The following PDCD6IP variants were observed in gnomAD, a reference collection of about 807,000 sequenced individuals.
The protein encoded by PDCD6IP is programmed cell death 6-interacting protein.
PDCD6IP carries 43 observed loss-of-function variants against 103.7 expected under a neutral mutation model. That is an observed-to-expected ratio of 0.41 (90% confidence interval 0.32 to 0.53). The LOEUF is 0.53. Ranked by LOEUF, PDCD6IP falls within the 20% of genes least tolerant of loss-of-function variation. The probability of loss-of-function intolerance (pLI) is 0.16; values close to 1 mark genes in which losing one functional copy is unlikely to be tolerated. For synonymous variants in PDCD6IP, 354 were observed against 378.7 expected, an observed-to-expected ratio of 0.93 and a Z score of 0.76; for missense variants, 871 against 1,036.7, an observed-to-expected ratio of 0.84 and a Z score of 2.20.
chr3:33,830,857 G>A (rs908832000), intron 7 of PDCD6IP, among the ~76,000 whole-genome samples: 8 of 152,152 alleles, frequency 5.3e-5, no homozygotes, highest in African/African-American at 1.9e-4. Flanking sequence ...AACCATATTC[G>A]CTGTAGTTTC....
intron 3 of PDCD6IP, among the ~76,000 whole-genome samples, chr3:33,816,273 G>A (rs528588503): frequency 2.9e-4 from 44 of 152,226 alleles, no homozygotes; most frequent in African/African-American, 1.0e-3. Flanking sequence ...TTGGGAGGCC[G>A]AGGTGGGTGG....
intron 12 of PDCD6IP, among the ~76,000 whole-genome samples, chr3:33,852,038 G>T (rs1302011068): frequency 6.6e-6 from 1 of 152,150 alleles, no homozygotes; most frequent in Non-Finnish European, 1.5e-5. Flanking sequence ...AGAATGTAGA[G>T]TGGCTAAGAG....
intron 16 of PDCD6IP, 130 bp from the exon 17 acceptor site, chr3:33,865,113 T>G (rs1358826616): frequency 3.9e-5 from 24 of 609,276 alleles, no homozygotes; most frequent in Non-Finnish European, 2.7e-6. Context: ...AAGCCGGTAT[T>G]TAAGAATGGG....
In PDCD6IP at chr3:33,813,470, TC is replaced by T. The variant is rs943706648; in HGVS notation, c.265-88del. ...ATATTTTGAGCTTTTGTCCTTTTTT[TC>T]ATGGTGGATTTTTCTTCAAAGAAGA... On this transcript the variant is annotated intron_variant, in intron 2 of 17. Coordinates refer to ENST00000307296, the MANE Select transcript of PDCD6IP (RefSeq NM_013374.6). 4.5e-5 allele frequency: 36 copies of T among 793,992 alleles called. No individual in the cohort carries two copies. The African/African-American group carries it at 6.3e-4, about 14-fold the overall frequency. 49.2% of individuals were successfully genotyped at this position (793,992 alleles called of 1,614,324 possible).
rs992764402 is a variant in PDCD6IP, at chr3:33,869,009, C to T, written c.*2484C>T. On this transcript the variant is annotated 3_prime_UTR_variant, in exon 18 of 18. Transcript: ENST00000307296. ...TTTATGAGATATTCCTGTATCCATA[C>T]CCCAGCTTGTTTGCAATTTATAAAC... 2.0e-5 allele frequency: 3 copies of T among 152,140 alleles called. No homozygotes were observed. The highest frequency in any genetic ancestry group is 6.5e-5 in the Admixed American group (1 of 15,274). 9.4% of individuals were successfully genotyped at this position (152,140 alleles called of 1,614,324 possible). A position where few individuals can be genotyped will look rare whatever the true frequency, so the allele number is the denominator to read the frequency against.
chr3:33,798,864 C>G lies in PDCD6IP; in HGVS notation c.136C>G (p.Leu46Val), dbSNP rs370244363. 10 of 1,551,176 alleles carry G rather than the reference C, an allele frequency of 6.4e-6. No homozygotes were observed. Among genetic ancestry groups the G allele is most frequent in the African/African-American group, 2.7e-5 (2 of 73,026 alleles). ...CCAGTACTGCCGCGCGGCGGAGGAG[C>G]TCAGCAAGCTGCGCCGCGCCGCAGT... ...QAQYCRAAEELSKLRRAAVGR... is the reference protein window; with the variant it reads ...QAQYCRAAEEVSKLRRAAVGR... The change falls in exon 1 of 18, where the codon CTC becomes GTC. Residue 46 changes from leucine to valine, a missense_variant. By Grantham distance (32) the Leu-to-Val change is conservative (BLOSUM62 1). Coordinates refer to ENST00000307296, the MANE Select transcript of PDCD6IP (RefSeq NM_013374.6).
chr3:33,867,042 ACTGT>A lies in PDCD6IP; in HGVS notation c.*520_*523del, dbSNP rs1488414367. ...TTATGTTTTGTTATTGATTCTCATTACTGTCTAATTTTTTTTCTGGTATTAGTCT... is the reference window on the plus strand; with the variant it reads ...TTATGTTTTGTTATTGATTCTCATTACTAATTTTTTTTCTGGTATTAGTCT... On this transcript the variant is annotated 3_prime_UTR_variant, in exon 18 of 18. Transcript: ENST00000307296. 2.0e-5 allele frequency: 3 copies of A among 152,176 alleles called. No homozygotes were observed. The highest frequency in any genetic ancestry group is 1.9e-4 in the East Asian group (1 of 5,194). 9.4% of individuals were successfully genotyped at this position (152,176 alleles called of 1,614,324 possible). A position where few individuals can be genotyped will look rare whatever the true frequency, so the allele number is the denominator to read the frequency against.
chr3:33,799,891 C>T (rs1389253683), intron 1 of PDCD6IP, among the ~76,000 whole-genome samples: 2 of 151,712 alleles, frequency 1.3e-5, no homozygotes, highest in Admixed American at 1.3e-4. Context: ...GAGGCCGAGG[C>T]GGGCGGATCA....
chr3:33,856,028 C>T (rs1697820349), intron 15 of PDCD6IP, among the ~76,000 whole-genome samples: 1 of 152,176 alleles, frequency 6.6e-6, no homozygotes, highest in Non-Finnish European at 1.5e-5. Flanking sequence ...TGAGCCCCAC[C>T]TCCTGTCAGA....
intron 15 of PDCD6IP, 51 bp from the exon 16 acceptor site, chr3:33,863,955 G>A (rs1267271989): frequency 6.0e-6 from 7 of 1,175,294 alleles, no homozygotes; most frequent in South Asian, 1.3e-5. Context: ...TATTTTATGT[G>A]TGTTAATTTT....
chr3:33,802,005 G>A (rs9826569), intron 1 of PDCD6IP, among the ~76,000 whole-genome samples: 44,408 of 152,110 alleles, frequency 0.29, 6,717 homozygotes, highest in East Asian at 0.41. Context: ...GTTCATTTCT[G>A]TGTGGTAGAT....
At chr3:33,807,511 C>G (rs937032702) in intron 1 of PDCD6IP, among the ~76,000 whole-genome samples, 2 of 152,178 alleles carry the variant, frequency 1.3e-5, no homozygotes, top group Non-Finnish European at 2.9e-5. Context: ...GGTATAATCT[C>G]AGTCTGGAAA....
chr3:33,804,258 T>G (rs1696542412), intron 1 of PDCD6IP, among the ~76,000 whole-genome samples: 1 of 152,132 alleles, frequency 6.6e-6, no homozygotes, highest in Non-Finnish European at 1.5e-5. Flanking sequence ...GAATCTCAGG[T>G]TCCGCACAGG....
rs368897895 is a variant in PDCD6IP, at chr3:33,841,964, A to G, written c.1249A>G (p.Ile417Val). 4.4e-5 allele frequency: 70 copies of G among 1,581,054 alleles called. No homozygotes were observed. The highest frequency in any genetic ancestry group is 6.7e-5 in the East Asian group (3 of 44,726). ...GTCTGGAGACACTGTACCTCAGTCT[A>G]TATTGACTAAATCCAGATCTGTGAT... ...DVSGDTVPQS[I>V]LTKSRSVIEQ... Residue 417 changes from isoleucine (I) to valine (V), a missense_variant, in exon 10 of 18, where the codon ATA (isoleucine) becomes GTA (valine). Around this residue, in one of 5 missense-constraint regions of PDCD6IP, gnomAD observed 266 missense variants for 390.5 expected, o/e 0.68. Coordinates refer to ENST00000307296, the MANE Select transcript of PDCD6IP (RefSeq NM_013374.6).
chr3:33,844,681 A>G (rs543610480), intron 11 of PDCD6IP, among the ~76,000 whole-genome samples: 80 of 152,116 alleles, frequency 5.3e-4, no homozygotes, highest in African/African-American at 1.7e-3. Flanking sequence ...AGGTTTTACC[A>G]TGTTGCCCTG....
intron 4 of PDCD6IP, among the ~76,000 whole-genome samples, chr3:33,822,678 C>T (rs535372612): frequency 6.6e-5 from 10 of 152,058 alleles, no homozygotes; most frequent in East Asian, 1.9e-4. Flanking sequence ...TATTTTGAGA[C>T]GGAGTCTTGT....
chr3:33,854,148 C>G, intron 14 of PDCD6IP, 135 bp downstream of exon 14: 1 of 957,894 alleles, frequency 1.0e-6, no homozygotes, highest in Non-Finnish European at 1.5e-6. Context: ...ATTGCTGCTG[C>G]GAAGTTTGTT....
intron 9 of PDCD6IP, among the ~76,000 whole-genome samples, chr3:33,840,419 T>A (rs901079021): frequency 6.6e-6 from 1 of 152,200 alleles, no homozygotes; most frequent in Non-Finnish European, 1.5e-5. Context: ...ACTCATGTAG[T>A]TCAAATCTGT....
chr3:33,819,918 A>C (rs1026768347), intron 3 of PDCD6IP, among the ~76,000 whole-genome samples: 3 of 152,220 alleles, frequency 2.0e-5, no homozygotes, highest in Middle Eastern at 3.2e-3. Flanking sequence ...TATTAAGTAC[A>C]TTTACATTAT....
Sources: allele counts gnomAD v4.1 joint callset (sites outside exome capture counted in the v4.1 genomes callset), GRCh38; gene constraint gnomAD v4.1.1; regional missense constraint gnomAD v4.1.1; transcripts MANE v1.5; gene names NCBI Gene and HGNC (gene_info 2026-07-23, HGNC 2026-07-21).